The following GAB1 variants were observed in gnomAD, a reference collection of about 807,000 sequenced individuals.
GAB1 encodes the protein GRB2 associated binding protein 1.
Under a neutral mutation model 66.5 loss-of-function variants are expected in GAB1, and 19 were observed. The ratio of observed to expected loss-of-function variants is 0.29; its 90% confidence interval spans 0.20 to 0.42. GAB1 has a LOEUF of 0.42. Among genes scored for constraint, GAB1 ranks in the 10% least tolerant of loss-of-function variants. The pLI is 1.00. For missense variants in GAB1, 732 were observed against 858.5 expected (o/e 0.85, Z 1.84); for synonymous variants, 294 against 301.4 (o/e 0.98, Z 0.25).
chr4:143,413,824 C>CCTTTTTT (rs61697817), intron 1 of GAB1, among the ~76,000 whole-genome samples: 4 of 67,826 alleles, frequency 5.9e-5, no homozygotes, highest in African/African-American at 3.8e-4. Flanking sequence ...CCCCGCTGCC[C>CCTTTTTT]TTTTTTTTTT....
intron 6 of GAB1, among the ~76,000 whole-genome samples, chr4:143,441,317 A>G (rs887855422): frequency 5.3e-5 from 8 of 152,242 alleles, no homozygotes; most frequent in African/African-American, 1.2e-4. Flanking sequence ...AATGTGATGA[A>G]TGATACAATA....
chr4:143,352,047 G>A (rs1459311374), intron 1 of GAB1, among the ~76,000 whole-genome samples: 4 of 152,182 alleles, frequency 2.6e-5, no homozygotes, highest in African/African-American at 4.8e-5. Context: ...AGAGGGTTTA[G>A]GTGATAGGCA....
At chr4:143,354,028 T>C (rs1308111758) in intron 1 of GAB1, among the ~76,000 whole-genome samples, 1 of 152,190 alleles carries the variant, frequency 6.6e-6, no homozygotes, top group Non-Finnish European at 1.5e-5. Context: ...GTTTAGTTAG[T>C]AGATCACTTT....
At chr4:143,353,567 A>G (rs530491807) in intron 1 of GAB1, among the ~76,000 whole-genome samples, 1 of 151,476 alleles carries the variant, frequency 6.6e-6, no homozygotes, top group Admixed American at 6.6e-5. Context: ...TACCTACTGA[A>G]TGCACTCTGC....
At chr4:143,421,234 CAAG>C (rs1349853741) in intron 2 of GAB1, among the ~76,000 whole-genome samples, 1 of 152,130 alleles carries the variant, frequency 6.6e-6, no homozygotes, top group African/African-American at 2.4e-5. Flanking sequence ...TAGCATGTAA[CAAG>C]AGTTCTTCAT....
At chr4:143,468,948 A>C in intron 9 of GAB1, 83 bp from the exon 10 acceptor site, 1 of 1,368,978 alleles carries the variant, frequency 7.3e-7, no homozygotes, top group Non-Finnish European at 1.0e-6. Context: ...TTCACAGTGG[A>C]TGTGTTTTGT....
At chr4:143,414,673 T>TA (rs951869619) in intron 1 of GAB1, among the ~76,000 whole-genome samples, 82 of 151,566 alleles carry the variant, frequency 5.4e-4, no homozygotes, top group African/African-American at 1.8e-3. Context: ...CCACCGCACC[T>TA]AAAAAAAAGA....
intron 2 of GAB1, among the ~76,000 whole-genome samples, chr4:143,423,169 C>G (rs746917376): frequency 2.6e-5 from 4 of 152,172 alleles, no homozygotes; most frequent in African/African-American, 4.8e-5. Flanking sequence ...ATATGCAGAG[C>G]TGAGTACATA....
chr4:143,426,247 G>A (rs1733349539), intron 2 of GAB1, among the ~76,000 whole-genome samples: 1 of 152,146 alleles, frequency 6.6e-6, no homozygotes, highest in Non-Finnish European at 1.5e-5. Flanking sequence ...TAACAGATTT[G>A]GAAGTGCCCC....
At chr4:143,371,536 A>C (rs1353186148) in intron 1 of GAB1, among the ~76,000 whole-genome samples, 1 of 151,730 alleles carries the variant, frequency 6.6e-6, no homozygotes, top group Admixed American at 6.5e-5. Context: ...TTTGCTGTGC[A>C]GAAGCTCTTT....
At position 143,469,096 on chromosome 4, in the gene GAB1, A is replaced by G. The variant is rs759480322; in HGVS notation, c.1992A>G (p.Gln664=). 6.8e-6 allele frequency: 11 copies of G among 1,614,044 alleles called. No homozygotes were observed. The East Asian group carries it at 1.8e-4, about 26-fold the overall frequency. Residue 664 remains glutamine, a synonymous_variant, in exon 10 of 10, where the codon CAA becomes CAG. Transcript: ENST00000262994. ...DERVDYVVVD[Q]QKTLALKSTR... ...GAGTGGATTATGTTGTTGTTGACCAACAGAAGACCTTGGCTCTAAAGAGTA... is the reference window on the plus strand; with the variant it reads ...GAGTGGATTATGTTGTTGTTGACCAGCAGAAGACCTTGGCTCTAAAGAGTA...
At chr4:143,382,275 C>G (rs1230276547) in intron 1 of GAB1, among the ~76,000 whole-genome samples, 1 of 152,086 alleles carries the variant, frequency 6.6e-6, no homozygotes, top group Non-Finnish European at 1.5e-5. Flanking sequence ...CTCAGTGAAG[C>G]TGTATATTTG....
intron 1 of GAB1, among the ~76,000 whole-genome samples, chr4:143,378,269 G>A (rs1015490887): frequency 6.6e-6 from 1 of 152,212 alleles, no homozygotes; most frequent in Non-Finnish European, 1.5e-5. Context: ...TGAAGATGTA[G>A]CAGATGTATA....
At chr4:143,442,505 A>G (rs1029747198) in intron 6 of GAB1, among the ~76,000 whole-genome samples, 1 of 152,194 alleles carries the variant, frequency 6.6e-6, no homozygotes, top group South Asian at 2.1e-4. Context: ...ACCACTGTTT[A>G]TAAGTTAGAA....
intron 6 of GAB1, among the ~76,000 whole-genome samples, chr4:143,454,426 T>C (rs1190625550): frequency 6.6e-6 from 1 of 152,230 alleles, no homozygotes; most frequent in Non-Finnish European, 1.5e-5. Context: ...CAAGTGGTCT[T>C]TGTTATGTCT....
At chr4:143,351,802 T>G in intron 1 of GAB1, among the ~76,000 whole-genome samples, 1 of 152,222 alleles carries the variant, frequency 6.6e-6, no homozygotes, top group East Asian at 1.9e-4. Context: ...GGGATGCTAC[T>G]AAACACTCTA....
chr4:143,338,682 T>C (rs1728732968), intron 1 of GAB1, among the ~76,000 whole-genome samples: 1 of 148,058 alleles, frequency 6.8e-6, no homozygotes, highest in Non-Finnish European at 1.5e-5. Flanking sequence ...CAGTGTTTTT[T>C]TTTCCAGCTG....
intron 1 of GAB1, among the ~76,000 whole-genome samples, chr4:143,409,794 A>G (rs1216019947): frequency 2.6e-5 from 4 of 152,350 alleles, no homozygotes; most frequent in Non-Finnish European, 5.9e-5. Context: ...TAGAGACAGC[A>G]TTGGCATGAG....
At chr4:143,340,918 T>A (rs952994195) in intron 1 of GAB1, among the ~76,000 whole-genome samples, 1 of 152,242 alleles carries the variant, frequency 6.6e-6, no homozygotes, top group African/African-American at 2.4e-5. Context: ...GATTGTTTTT[T>A]GTACACGCTA....
Sources: gnomAD v4.1 joint callset for allele counts (sites outside exome capture counted in the v4.1 genomes callset) on GRCh38, gnomAD v4.1.1 for gene constraint, MANE v1.5 for transcripts, NCBI Gene and HGNC (gene_info 2026-07-23, HGNC 2026-07-21) for gene names.